The following UBE2D2 variants were observed in gnomAD, a reference collection of about 807,000 sequenced individuals.
UBE2D2 encodes the protein ubiquitin-conjugating enzyme E2 D2.
UBE2D2 carries 2 observed loss-of-function variants against 24.2 expected under a neutral mutation model. The observed-to-expected ratio is 0.08, with a 90% CI of 0.03 to 0.26. The LOEUF (loss-of-function observed/expected upper bound fraction) is 0.26, where lower values mean the gene tolerates loss of function less well. UBE2D2 is among the 10% of genes least tolerant of loss of function. The pLI is 1.00. For synonymous variants in UBE2D2, 58 were observed against 56.5 expected (o/e 1.03, Z -0.12); for missense variants, 44 against 177.6 (o/e 0.25, Z 4.28).
At chr5:139,546,811 T>TTTCTTTC (rs1214047751) in intron 1 of UBE2D2, among the ~76,000 whole-genome samples, 18 of 128,602 alleles carry the variant, frequency 1.4e-4, no homozygotes, top group Admixed American at 5.8e-4. Context: ...TTCTTTCTTC[T>TTTCTTTC]TTCTTTCTTC....
intron 5 of UBE2D2, among the ~76,000 whole-genome samples, chr5:139,617,517 C>T (rs919821190): frequency 2.6e-5 from 4 of 151,298 alleles, no homozygotes; most frequent in Admixed American, 6.6e-5. Context: ...GCTGGGATTA[C>T]AGGCACCCAC....
chr5:139,603,236 A>G (rs1754119133), intron 2 of UBE2D2, among the ~76,000 whole-genome samples: 1 of 152,196 alleles, frequency 6.6e-6, no homozygotes, highest in Admixed American at 6.6e-5. Context: ...TTTGATTTCA[A>G]TTTTGAAGTT....
chr5:139,548,530 C>G (rs1297158577), intron 1 of UBE2D2, among the ~76,000 whole-genome samples: 1 of 152,118 alleles, frequency 6.6e-6, no homozygotes, highest in Non-Finnish European at 1.5e-5. Context: ...TTCACAAGGA[C>G]TGAGCTTGTA....
At chr5:139,549,300 C>A (rs967998630) in intron 1 of UBE2D2, among the ~76,000 whole-genome samples, 8 of 152,194 alleles carry the variant, frequency 5.3e-5, no homozygotes, top group Admixed American at 4.6e-4. Context: ...TCTGGGCTAG[C>A]TGAGGCCGGA....
chr5:139,616,159 A>T (rs1368642067), intron 5 of UBE2D2, among the ~76,000 whole-genome samples: 1 of 150,446 alleles, frequency 6.6e-6, no homozygotes, highest in Non-Finnish European at 1.5e-5. Flanking sequence ...TATAAAGGAA[A>T]ACAAAAACAA....
chr5:139,579,346 C>G (rs1753546817), intron 1 of UBE2D2, among the ~76,000 whole-genome samples: 1 of 152,156 alleles, frequency 6.6e-6, no homozygotes, highest in African/African-American at 2.4e-5. Context: ...GGGGTTTCTC[C>G]ATGTTGGTCA....
At chr5:139,547,754 G>A (rs1010828232) in intron 1 of UBE2D2, among the ~76,000 whole-genome samples, 3 of 151,788 alleles carry the variant, frequency 2.0e-5, no homozygotes, top group Admixed American at 2.0e-4. Flanking sequence ...GAGTGCAATG[G>A]TGTGATCTTG....
intron 1 of UBE2D2, among the ~76,000 whole-genome samples, chr5:139,546,824 TC>T (rs1342699598): frequency 5.3e-4 from 7 of 13,320 alleles, no homozygotes. Context: ...CTTTCTTCCT[TC>T]CTTCCTTCCT....
Position 139,626,864 on chromosome 5 carries a change from T to A in UBE2D2, c.*63T>A. On this transcript the variant is annotated 3_prime_UTR_variant, in exon 7 of 7. Coordinates refer to ENST00000398733, the MANE Select transcript of UBE2D2 (RefSeq NM_003339.3). ...AGGGGAACTCTGAAAGAGAAAGTCC[T>A]TTTGATTTCCATTTGACTGCTTTCT... 1 of 1,455,848 alleles carries A rather than the reference T, an allele frequency of 6.9e-7. No individual in the cohort carries two copies. The highest frequency in any genetic ancestry group is 9.6e-7 in the Non-Finnish European group (1 of 1,046,492). The allele number at this position is 1,455,848 out of a possible 1,614,324, so 90.2% of individuals were successfully genotyped here.
rs1754662957 is a variant in UBE2D2 at position 139,627,776 on chromosome 5, C to G, written c.*975C>G. On this transcript the variant is annotated 3_prime_UTR_variant, in exon 7 of 7. Coordinates refer to ENST00000398733, the MANE Select transcript of UBE2D2 (RefSeq NM_003339.3). ...GATTTTCTCCCACTTCTGAAATGTT[C>G]ATTTATACTGGTTGCATTTTAAGAT... 1 of 152,528 alleles carries G rather than the reference C, an allele frequency of 6.6e-6. No individual in the cohort carries two copies. The highest frequency in any genetic ancestry group is 1.5e-5 in the Non-Finnish European group (1 of 68,028). The allele number at this position is 152,528 out of a possible 1,614,324, so 9.4% of individuals were successfully genotyped here. A position where few individuals can be genotyped will look rare whatever the true frequency, so the allele number is the denominator to read the frequency against.
At chr5:139,560,250 T>C (rs1366806115), upstream of UBE2D2, among the ~76,000 whole-genome samples, 1 of 146,564 alleles carries the variant, frequency 6.8e-6, no homozygotes, top group Non-Finnish European at 1.5e-5. Flanking sequence ...TAGGCTGGAG[T>C]GAACTGGCGT....
intron 1 of UBE2D2, among the ~76,000 whole-genome samples, chr5:139,573,564 A>G (rs1339856524): frequency 6.6e-6 from 1 of 152,130 alleles, no homozygotes; most frequent in Admixed American, 6.6e-5. Context: ...TTATCCCATC[A>G]TGGATAGGTC....
At chr5:139,546,123 A>G (rs895392568) in intron 1 of UBE2D2, among the ~76,000 whole-genome samples, 10 of 151,604 alleles carry the variant, frequency 6.6e-5, no homozygotes, top group Non-Finnish European at 1.5e-4. Flanking sequence ...GGCTCACTGC[A>G]ACCTCCTTTT....
intron 2 of UBE2D2, among the ~76,000 whole-genome samples, chr5:139,605,025 G>A (rs1754169556): frequency 6.6e-6 from 1 of 152,150 alleles, no homozygotes; most frequent in East Asian, 1.9e-4. Flanking sequence ...GAAGAAGGAA[G>A]AGAGAAACTG....
At chr5:139,584,815 G>A (rs1753691019) in intron 1 of UBE2D2, among the ~76,000 whole-genome samples, 1 of 151,282 alleles carries the variant, frequency 6.6e-6, no homozygotes, top group Non-Finnish European at 1.5e-5. Context: ...TTACAGGCGT[G>A]AGCCACCGTG....
intron 2 of UBE2D2, chr5:139,612,133 G>A (rs1754334818): frequency 1.1e-5 from 2 of 184,654 alleles, no homozygotes; most frequent in South Asian, 2.6e-4. Flanking sequence ...CTTGCCTCCT[G>A]CAAAGTAACA....
intron 1 of UBE2D2, among the ~76,000 whole-genome samples, chr5:139,595,715 G>A (rs906848195): frequency 5.3e-5 from 8 of 151,792 alleles, no homozygotes; most frequent in African/African-American, 1.5e-4. Flanking sequence ...GTTAAAAAAA[G>A]AAAAAGAAAA....
chr5:139,576,117 C>T (rs146165893), intron 1 of UBE2D2, among the ~76,000 whole-genome samples: 4 of 152,258 alleles, frequency 2.6e-5, no homozygotes, highest in East Asian at 1.9e-4. Flanking sequence ...TAATGGAGTG[C>T]GTGATTTTCT....
chr5:139,621,149 G>A (rs955728919), intron 5 of UBE2D2, among the ~76,000 whole-genome samples: 3 of 152,198 alleles, frequency 2.0e-5, no homozygotes, highest in Non-Finnish European at 2.9e-5. Context: ...AGAGTGAGGT[G>A]GGAGGATGAC....
Sources: gnomAD v4.1 joint callset for allele counts (sites outside exome capture counted in the v4.1 genomes callset) on GRCh38, gnomAD v4.1.1 for gene constraint, MANE v1.5 for transcripts, NCBI Gene and HGNC (gene_info 2026-07-23, HGNC 2026-07-21) for gene names.